Variants in TCEA3 observed in about 807,000 individuals in gnomAD.
The protein encoded by TCEA3 is transcription elongation factor A3.
In TCEA3, 36 loss-of-function variants were observed where a neutral mutation model predicts 44.0. The ratio of observed to expected loss-of-function variants is 0.82; its 90% CI spans 0.63 to 1.08. The LOEUF is 1.08. Among genes scored for constraint, TCEA3 ranks in the 50% least tolerant of loss-of-function variants. The pLI is 0.00. For synonymous variants in TCEA3, 162 were observed against 159.7 expected (o/e 1.01, Z -0.11); for missense variants, 392 against 441.2 (o/e 0.89, Z 1.00).
At chr1:23,383,623 T>A (rs1042954504) in intron 10 of TCEA3, 59 of 985,466 alleles carry the variant, frequency 6.0e-5, no homozygotes, top group Non-Finnish European at 6.9e-5. Context: ...TCTTGCTAAG[T>A]ACCTTAGAAC....
chr1:23,419,326 C>T (rs575125431), intron 1 of TCEA3, 187 bp from the exon 2 acceptor site: 90 of 401,002 alleles, frequency 2.2e-4, no homozygotes, highest in South Asian at 6.8e-4. Flanking sequence ...CTTCATCCCC[C>T]GCCACCTGCT....
Position 23,393,888 on chromosome 1 carries a change from C to T in TCEA3, c.810G>A (p.Met270Ile), listed in dbSNP as rs1454246927. ...GAISAGLIAK[M>I]TAEEMASDEL... ...GATGCCCTGCTCTCACCTCTGCCGT[C>T]ATCTTGGCTATAAGCCCTGCGGAGA... The change falls in exon 8 of 11, where the codon ATG (methionine) becomes ATA (isoleucine). Residue 270 changes from methionine to isoleucine, a missense_variant. Transcript: ENST00000450454. The T allele has an allele frequency of 1.2e-6, 2 of 1,613,532 alleles. No homozygotes were observed. Among genetic ancestry groups the T allele is most frequent in the South Asian group, 2.2e-5 (2 of 91,078 alleles).
chr1:23,413,397 G>A (rs1433665069), intron 4 of TCEA3, among the ~76,000 whole-genome samples: 1 of 151,322 alleles, frequency 6.6e-6, no homozygotes, highest in African/African-American at 2.4e-5. Context: ...CAAAGTGCTG[G>A]GATTACAAGC....
intron 5 of TCEA3, chr1:23,403,819 C>T: frequency 2.3e-6 from 1 of 441,832 alleles, no homozygotes; most frequent in South Asian, 3.2e-5. Context: ...TTTCTTCCCA[C>T]CTTCCTGGCA....
At chr1:23,400,857 G>A (rs1558045907) in intron 5 of TCEA3, among the ~76,000 whole-genome samples, 3 of 152,202 alleles carry the variant, frequency 2.0e-5, no homozygotes, top group Admixed American at 1.3e-4. Context: ...TAATTATACA[G>A]TGCACAGCCT....
intron 4 of TCEA3, among the ~76,000 whole-genome samples, chr1:23,415,793 G>T (rs1639871792): frequency 6.6e-6 from 1 of 152,170 alleles, no homozygotes; most frequent in African/African-American, 2.4e-5. Context: ...CTTGCAAAAT[G>T]AGCAATGGAA....
intron 5 of TCEA3, chr1:23,403,760 G>A (rs1639463130): frequency 7.8e-6 from 2 of 256,746 alleles, no homozygotes; most frequent in Non-Finnish European, 1.5e-5. Flanking sequence ...CTTTAAAAGA[G>A]AGGTTTCCAG....
At chr1:23,413,079 T>G (rs1438806054) in intron 4 of TCEA3, among the ~76,000 whole-genome samples, 1 of 152,182 alleles carries the variant, frequency 6.6e-6, no homozygotes, top group Non-Finnish European at 1.5e-5. Context: ...CCCAGGAAAA[T>G]GTATAGTGCA....
chr1:23,415,262 A>AGG (rs1445692292), intron 4 of TCEA3, among the ~76,000 whole-genome samples: 1 of 151,936 alleles, frequency 6.6e-6, no homozygotes, highest in African/African-American at 2.4e-5. Context: ...ACCTCAGGTG[A>AGG]TCCACCCACC....
At chr1:23,415,433 T>G (rs1006505864) in intron 4 of TCEA3, among the ~76,000 whole-genome samples, 3 of 152,218 alleles carry the variant, frequency 2.0e-5, no homozygotes, top group Non-Finnish European at 4.4e-5. Flanking sequence ...TGTGACAGAT[T>G]AGTCCCAAAT....
intron 10 of TCEA3, among the ~76,000 whole-genome samples, chr1:23,382,852 CA>C (rs1313144191): frequency 1.3e-5 from 2 of 152,140 alleles, no homozygotes; most frequent in African/African-American, 4.8e-5. Context: ...ACCAGTAGGC[CA>C]CTATACTGGC....
rs914821915 is a variant in TCEA3 at position 23,424,739 on chromosome 1, C to A, written c.-106G>T. The A allele has an allele frequency of 1.1e-5, 8 of 712,754 alleles. No individual in the cohort carries two copies. Among genetic ancestry groups the A allele is most frequent in the Non-Finnish European group, 1.8e-5 (8 of 434,702 alleles). 44.2% of individuals were successfully genotyped at this position (712,754 alleles called of 1,614,324 possible). ...GCGCGCAACCCGCGCGGGCCCCAAA[C>A]ACACACGACACACACGCCCGGCGGG... On this transcript the variant is annotated 5_prime_UTR_variant, in exon 1 of 11. Coordinates refer to ENST00000450454, the MANE Select transcript of TCEA3 (RefSeq NM_003196.3).
intron 8 of TCEA3, among the ~76,000 whole-genome samples, chr1:23,391,937 C>CA (rs1035075224): frequency 2.0e-4 from 30 of 150,240 alleles, no homozygotes; most frequent in East Asian, 7.8e-4. Context: ...AACAAGCAAA[C>CA]AAAAAAAAAG....
chr1:23,388,174 C>T (rs1371488575), intron 8 of TCEA3, among the ~76,000 whole-genome samples: 2 of 150,276 alleles, frequency 1.3e-5, no homozygotes, highest in South Asian at 2.1e-4. Flanking sequence ...GTGGCTGACG[C>T]GAATCTCAAA....
intron 10 of TCEA3, among the ~76,000 whole-genome samples, chr1:23,382,400 C>T (rs1039739925): frequency 6.6e-6 from 1 of 152,158 alleles, no homozygotes; most frequent in South Asian, 2.1e-4. Context: ...CTTGCCCAAA[C>T]TCCCGTAATA....
intron 4 of TCEA3, among the ~76,000 whole-genome samples, chr1:23,414,987 G>A (rs950966867): frequency 6.8e-6 from 1 of 147,436 alleles, no homozygotes; most frequent in Non-Finnish European, 1.5e-5. Context: ...TCTCATACAG[G>A]CCTTTAAAAG....
intron 10 of TCEA3, 73 bp downstream of exon 10, chr1:23,384,273 G>A: frequency 3.1e-6 from 5 of 1,611,424 alleles, no homozygotes; most frequent in South Asian, 1.1e-5. Flanking sequence ...CTTCTGGGTT[G>A]TGGGTACACT....
chr1:23,387,597 GTCC>G (rs1273164670), intron 8 of TCEA3, among the ~76,000 whole-genome samples, 178 bp from the exon 9 acceptor site: 3 of 152,224 alleles, frequency 2.0e-5, no homozygotes, highest in Admixed American at 1.3e-4. Context: ...TCCCCGCAGA[GTCC>G]TCCTGCCGCC....
chr1:23,382,152 G>T (rs1211775333), intron 10 of TCEA3, among the ~76,000 whole-genome samples: 1 of 151,488 alleles, frequency 6.6e-6, no homozygotes, highest in African/African-American at 2.4e-5. Context: ...GTTCAAGCGA[G>T]TCTCCTGCCT....
Sources: allele counts gnomAD v4.1 joint callset (sites outside exome capture counted in the v4.1 genomes callset), GRCh38; gene constraint gnomAD v4.1.1; transcripts MANE v1.5; gene names NCBI Gene and HGNC (gene_info 2026-07-23, HGNC 2026-07-21).